HMGXB4: variants seen among roughly 807,000 people sequenced by gnomAD.
HMGXB4 encodes the protein HMG domain-containing protein 4.
HMGXB4 carries 27 observed loss-of-function variants against 63.9 expected under a neutral mutation model. The ratio of observed to expected loss-of-function variants is 0.42; its 90% CI spans 0.31 to 0.58. The LOEUF (loss-of-function observed/expected upper bound fraction) is 0.58. Ranked by LOEUF, HMGXB4 falls within the 20% of genes least tolerant of loss-of-function variation. The pLI, the probability that HMGXB4 is intolerant of heterozygous loss-of-function variation, is 0.13. For synonymous variants in HMGXB4, 264 were observed against 265.3 expected (o/e 0.99, Z 0.05); for missense variants, 624 against 700.7 (o/e 0.89, Z 1.24).
At position 35,263,821 on chromosome 22, in the gene HMGXB4, C is replaced by G. The variant is rs979637894; in HGVS notation, c.206C>G (p.Thr69Arg). ...GATAGTGAACTTTACTTCTTGGGGA[C>G]GGACACACACAAGAAGAAGAGGAAG... Reference protein sequence around the residue: ...LKDSELYFLGTDTHKKKRKHS... With the variant: ...LKDSELYFLGRDTHKKKRKHS... The change falls in exon 4 of 11, where the codon ACG becomes AGG. Residue 69 changes from threonine (T) to arginine (R), a missense_variant. Transcript: ENST00000216106. The G allele has an allele frequency of 2.5e-6, 4 of 1,612,930 alleles. No individual in the cohort carries two copies. Among genetic ancestry groups the G allele is most frequent in the East Asian group, 4.5e-5 (2 of 44,880 alleles).
the HMGXB4 span, among the ~76,000 whole-genome samples, chr22:35,242,945 T>C: frequency 2.0e-5 from 3 of 152,250 alleles, no homozygotes; most frequent in Non-Finnish European, 4.4e-5. Context: ...CTTTCTATTA[T>C]TAATTTCTAG....
chr22:35,266,342 C>G (rs1923245739), intron 5 of HMGXB4, among the ~76,000 whole-genome samples: 2 of 152,332 alleles, frequency 1.3e-5, no homozygotes, highest in East Asian at 3.9e-4. Context: ...TTTCCACCAG[C>G]TGGTGTTGGC....
chr22:35,283,351 T>G (rs1169162273), intron 5 of HMGXB4, among the ~76,000 whole-genome samples: 1 of 152,244 alleles, frequency 6.6e-6, no homozygotes, highest in African/African-American at 2.4e-5. Flanking sequence ...AAGATTCTCT[T>G]AGCACTTAAT....
At chr22:35,268,869 T>A (rs1021490385) in intron 5 of HMGXB4, among the ~76,000 whole-genome samples, 1 of 152,238 alleles carries the variant, frequency 6.6e-6, no homozygotes, top group Non-Finnish European at 1.5e-5. Flanking sequence ...GTGACCTTCC[T>A]CTTCTTACAT....
upstream of HMGXB4, among the ~76,000 whole-genome samples, chr22:35,254,636 A>G (rs1232560680): frequency 1.3e-5 from 2 of 152,036 alleles, no homozygotes; most frequent in Non-Finnish European, 1.5e-5. Flanking sequence ...GTGTCCCCCA[A>G]CCCAACCGGA....
At chr22:35,271,257 A>G (rs1923587515) in intron 5 of HMGXB4, among the ~76,000 whole-genome samples, 1 of 152,154 alleles carries the variant, frequency 6.6e-6, no homozygotes, top group African/African-American at 2.4e-5. Flanking sequence ...GTCAGGGACA[A>G]AGTCCACCCA....
chr22:35,284,152 T>C (rs1026927464), intron 6 of HMGXB4, 109 bp downstream of exon 6: 2 of 778,658 alleles, frequency 2.6e-6, no homozygotes, highest in African/African-American at 1.7e-5. Context: ...GTTTCTTTCC[T>C]CAGTTCTGCA....
chr22:35,280,612 T>C (rs1183287395), intron 5 of HMGXB4, among the ~76,000 whole-genome samples: 2 of 152,198 alleles, frequency 1.3e-5, no homozygotes, highest in East Asian at 3.8e-4. Context: ...TTCTCCATAG[T>C]CCTTAAGTGT....
chr22:35,271,413 A>C (rs1923595494), intron 5 of HMGXB4, among the ~76,000 whole-genome samples: 1 of 151,824 alleles, frequency 6.6e-6, no homozygotes, highest in Non-Finnish European at 1.5e-5. Context: ...AAAATAGAGA[A>C]GGTGAGAAGA....
chr22:35,291,781 A>G (rs1373099821), intron 9 of HMGXB4, among the ~76,000 whole-genome samples: 1 of 152,220 alleles, frequency 6.6e-6, no homozygotes, highest in Non-Finnish European at 1.5e-5. Context: ...ACAGACTTAA[A>G]GAGGTGAAGT....
rs74911533 is a variant in HMGXB4, at chr22:35,271,692, G to A, written c.1215+6089G>A. On this transcript the variant is annotated intron_variant, in intron 5 of 10. Transcript: ENST00000216106. ...TCGGTGTGCCAAGGCGCTCTGGGACGCCACATCAGACTCACCAGGACAACG... is the reference window on the plus strand; with the variant it reads ...TCGGTGTGCCAAGGCGCTCTGGGACACCACATCAGACTCACCAGGACAACG... Among the ~76,000 whole-genome samples, 490 of 152,256 alleles carry A rather than the reference G, an allele frequency of 3.2e-3. 5 individuals carry two copies. The highest frequency in any genetic ancestry group is 0.011 in the African/African-American group (472 of 41,548).
chr22:35,287,472 C>G lies in HMGXB4; in HGVS notation c.1468+20C>G. The G allele has an allele frequency of 6.5e-7, 1 of 1,550,072 alleles. No homozygotes were observed. Among genetic ancestry groups the G allele is most frequent in the Non-Finnish European group, 8.9e-7 (1 of 1,124,796 alleles). On this transcript the variant is annotated intron_variant, in intron 8 of 10. Coordinates refer to ENST00000216106, the MANE Select transcript of HMGXB4 (RefSeq NM_001003681.3). ...TCAAAGGTAGTGACCACATCCCGCC[C>G]CTGCTTTTCTCTAAAGCATGTGAAT... is the stretch of plus-strand genomic sequence containing the variant.
intron 5 of HMGXB4, among the ~76,000 whole-genome samples, chr22:35,269,793 G>A (rs1473690332): frequency 1.3e-5 from 2 of 152,156 alleles, no homozygotes; most frequent in Non-Finnish European, 2.9e-5. Context: ...GATCGCTTGA[G>A]TCCAAGAGTT....
intron 1 of HMGXB4, 24 bp from the exon 2 acceptor site, chr22:35,262,299 G>C: frequency 7.6e-7 from 1 of 1,307,512 alleles, no homozygotes; most frequent in South Asian, 1.2e-5. Context: ...CATTACAGGA[G>C]GGTTTTCCTT....
chr22:35,265,237 T>C lies in HMGXB4; in HGVS notation c.849T>C (p.Asp283=). Residue 283 remains aspartate, a synonymous_variant, in exon 5 of 11, where the codon GAT becomes GAC. Coordinates refer to ENST00000216106, the MANE Select transcript of HMGXB4 (RefSeq NM_001003681.3). ...QFAESHSANL[D]LSGLEPILVE... is the part of the protein sequence containing the mutation. ...CAGAGTCCCACAGTGCTAACCTTGATCTTTCAGGGCTTGAACCTATTCTGG... is the reference window on the plus strand; with the variant it reads ...CAGAGTCCCACAGTGCTAACCTTGACCTTTCAGGGCTTGAACCTATTCTGG... The C allele has an allele frequency of 1.2e-6, 2 of 1,614,114 alleles. No individual in the cohort carries two copies. Among genetic ancestry groups the C allele is most frequent in the Admixed American group, 3.3e-5 (2 of 60,024 alleles).
chr22:35,258,326 ATC>A (rs1485520602), intron 1 of HMGXB4: 1 of 152,178 alleles, frequency 6.6e-6, no homozygotes, highest in Non-Finnish European at 1.5e-5. Context: ...GCGGAGAAAC[ATC>A]TCTGTCCCCT....
At chr22:35,276,711 T>C (rs1923934547) in intron 5 of HMGXB4, among the ~76,000 whole-genome samples, 1 of 152,192 alleles carries the variant, frequency 6.6e-6, no homozygotes, top group South Asian at 2.1e-4. Flanking sequence ...AAAAAGCTGA[T>C]ACTAAATTAG....
At position 35,287,469 on chromosome 22, in the gene HMGXB4, G is replaced by T; in HGVS notation, c.1468+17G>T. On this transcript the variant is annotated intron_variant, in intron 8 of 10. Transcript: ENST00000216106. ...AAGTCAAAGGTAGTGACCACATCCC[G>T]CCCCTGCTTTTCTCTAAAGCATGTG... The T allele has an allele frequency of 6.4e-7, 1 of 1,557,328 alleles. No individual in the cohort carries two copies. Among genetic ancestry groups the T allele is most frequent in the Admixed American group, 1.7e-5 (1 of 59,178 alleles).
chr22:35,293,783 A>AT lies in HMGXB4; in HGVS notation c.*133dup. 2.0e-6 allele frequency: 1 copy of AT among 488,332 alleles called. No individual in the cohort carries two copies. The highest frequency in any genetic ancestry group is 3.7e-6 in the Non-Finnish European group (1 of 273,378). 30.2% of individuals were successfully genotyped at this position (488,332 alleles called of 1,614,324 possible). On this transcript the variant is annotated 3_prime_UTR_variant, in exon 11 of 11. Transcript: ENST00000216106. The stretch of plus-strand genomic sequence containing the variant: ...TTTATATCTATACATACATATATAC[A>AT]TATATATATAATGTACAATATATAC...
Sources: allele counts gnomAD v4.1 joint callset (sites outside exome capture counted in the v4.1 genomes callset), GRCh38; gene constraint gnomAD v4.1.1; transcripts MANE v1.5; gene names NCBI Gene and HGNC (gene_info 2026-07-23, HGNC 2026-07-21).